The following FNDC3B variants were observed in gnomAD, a reference collection of about 807,000 sequenced individuals.
The protein encoded by FNDC3B is fibronectin type III domain-containing protein 3B.
In FNDC3B, 12 loss-of-function variants were observed where a neutral mutation model predicts 151.5. That is an observed-to-expected ratio of 0.08 (90% confidence interval 0.05 to 0.13). FNDC3B has a LOEUF of 0.13. FNDC3B is among the 10% of genes least tolerant of loss of function. The probability of loss-of-function intolerance (pLI) is 1.00; values close to 1 mark genes in which losing one functional copy is unlikely to be tolerated. For synonymous variants in FNDC3B, 528 were observed against 549.0 expected (o/e 0.96, Z 0.54); for missense variants, 1,214 against 1,505.3 (o/e 0.81, Z 3.20).
chr3:172,103,997 A>G (rs556874475), intron 1 of FNDC3B, among the ~76,000 whole-genome samples: 16 of 152,326 alleles, frequency 1.1e-4, no homozygotes, highest in African/African-American at 3.8e-4. Context: ...ACAGCTGTAT[A>G]GAACTCAGCT....
At chr3:172,264,715 C>CA (rs1233191936) in intron 6 of FNDC3B, among the ~76,000 whole-genome samples, 1 of 152,060 alleles carries the variant, frequency 6.6e-6, no homozygotes, top group African/African-American at 2.4e-5. Context: ...GATAACGATA[C>CA]ATGAGAAGGA....
Position 172,333,137 on chromosome 3 carries a change from G to A in FNDC3B, c.1603G>A (p.Val535Met). 1 of 1,613,328 alleles carries A rather than the reference G, an allele frequency of 6.2e-7. No homozygotes were observed. Among genetic ancestry groups the A allele is most frequent in the African/African-American group, 1.3e-5 (1 of 75,016 alleles). ...CACTGGAGAGGATTTAACCTGTACTGTGAAAAATCTCAAAAGAAGCACACA... is the reference window on the plus strand; with the variant it reads ...CACTGGAGAGGATTTAACCTGTACTATGAAAAATCTCAAAAGAAGCACACA... ...KYTGEDLTCT[V>M]KNLKRSTQYK... is the part of the protein sequence containing the mutation. Residue 535 changes from valine (V) to methionine (M), a missense_variant, in exon 14 of 26, where the codon GTG (valine) becomes ATG (methionine). Around this residue, in one of 7 missense-constraint regions of FNDC3B, gnomAD observed 111 missense variants for 96.8 expected, o/e 1.15. Transcript: ENST00000415807.
intron 4 of FNDC3B, among the ~76,000 whole-genome samples, chr3:172,238,959 T>C (rs1727312581): frequency 6.6e-6 from 1 of 152,254 alleles, no homozygotes; most frequent in Non-Finnish European, 1.5e-5. Context: ...TAGAATAGGA[T>C]GTCAGCTATT....
intron 1 of FNDC3B, among the ~76,000 whole-genome samples, chr3:172,080,795 G>A (rs995275065): frequency 6.6e-6 from 1 of 152,200 alleles, no homozygotes; most frequent in East Asian, 1.9e-4. Context: ...CTCTGTGTCT[G>A]TTAAGGGCAC....
chr3:172,043,327 G>T (rs563530466), intron 1 of FNDC3B, among the ~76,000 whole-genome samples: 36 of 151,976 alleles, frequency 2.4e-4, no homozygotes, highest in Middle Eastern at 6.9e-3. Context: ...TCTTTCACAT[G>T]TAGCTTGGTC....
chr3:172,114,637 G>A (rs932091722), intron 2 of FNDC3B, among the ~76,000 whole-genome samples: 2 of 152,158 alleles, frequency 1.3e-5, no homozygotes, highest in Admixed American at 6.5e-5. Flanking sequence ...TGTAATCCTA[G>A]CTACTCAGGA....
At chr3:172,236,614 C>T (rs1419507847) in intron 4 of FNDC3B, among the ~76,000 whole-genome samples, 1 of 152,144 alleles carries the variant, frequency 6.6e-6, no homozygotes, top group Non-Finnish European at 1.5e-5. Context: ...GATGAGGCCT[C>T]GTGGTTCTCT....
chr3:172,205,632 A>AT lies in FNDC3B; in HGVS notation c.188-21237dup, dbSNP rs148318663. 1.3e-3 allele frequency among the ~76,000 whole-genome samples: 203 copies of AT among 152,328 alleles called. 1 individual carries two copies. Among genetic ancestry groups the AT allele is most frequent in the African/African-American group, 4.8e-3 (201 of 41,572 alleles). On this transcript the variant is annotated intron_variant, in intron 3 of 25. Transcript: ENST00000415807. ...ACGGTTGGCGAGGGAAGAAATCTGC[A>AT]TTCTCCTTGTAGAGTTTTCTATTTA...
At chr3:172,042,927 CT>C (rs938402959) in intron 1 of FNDC3B, among the ~76,000 whole-genome samples, 1 of 151,164 alleles carries the variant, frequency 6.6e-6, no homozygotes, top group Admixed American at 6.6e-5. Flanking sequence ...CTCCGCCTTG[CT>C]GGTTGAGATG....
At chr3:172,195,507 C>T (rs1576786797) in intron 3 of FNDC3B, among the ~76,000 whole-genome samples, 1 of 152,202 alleles carries the variant, frequency 6.6e-6, no homozygotes, top group East Asian at 1.9e-4. Flanking sequence ...GCTTAAAGCT[C>T]CACAACACAC....
At chr3:172,385,474 C>T (rs772657735) in intron 25 of FNDC3B, among the ~76,000 whole-genome samples, 4 of 152,064 alleles carry the variant, frequency 2.6e-5, no homozygotes, top group Non-Finnish European at 4.4e-5. Context: ...GTTATTTATA[C>T]CTGCAGTGGT....
In FNDC3B at chr3:172,361,047, G is replaced by C. The variant is rs1360938329; in HGVS notation, c.2796-1586G>C. On this transcript the variant is annotated intron_variant, in intron 22 of 25. Transcript: ENST00000415807. ...TACAAAAAGTGTGGTGCCAGCATAT[G>C]CTTCTAATGAGCCCTCAATAAACCT... Among the ~76,000 whole-genome samples the C allele has an allele frequency of 4.6e-5, 7 of 152,112 alleles. No homozygotes were observed. The South Asian group carries it at 1.5e-3, about 32-fold the overall frequency.
intron 6 of FNDC3B, among the ~76,000 whole-genome samples, chr3:172,280,193 G>T (rs112113381): frequency 0.036 from 5,517 of 152,228 alleles, 348 homozygotes; most frequent in African/African-American, 0.13. Flanking sequence ...GGGATTACCG[G>T]CATGAGCTAC....
chr3:172,157,047 C>T (rs1722522452), intron 3 of FNDC3B, among the ~76,000 whole-genome samples: 1 of 152,174 alleles, frequency 6.6e-6, no homozygotes. Context: ...CTTAATTATA[C>T]AAGCAGTGTC....
chr3:172,105,253 A>G (rs1719586482), intron 1 of FNDC3B, among the ~76,000 whole-genome samples: 1 of 152,158 alleles, frequency 6.6e-6, no homozygotes, highest in Non-Finnish European at 1.5e-5. Flanking sequence ...TTTTCTGTGT[A>G]TATGATTCCG....
At chr3:172,317,484 G>A (rs764529627) in intron 11 of FNDC3B, among the ~76,000 whole-genome samples, 3 of 151,994 alleles carry the variant, frequency 2.0e-5, no homozygotes, top group East Asian at 1.9e-4. Flanking sequence ...ACGCCCGGCC[G>A]GGGATTAATT....
At chr3:172,046,720 C>T (rs963406287) in intron 1 of FNDC3B, among the ~76,000 whole-genome samples, 1 of 152,110 alleles carries the variant, frequency 6.6e-6, no homozygotes, top group African/African-American at 2.4e-5. Flanking sequence ...TGTTGAGTCA[C>T]AGTGTTATTT....
At chr3:172,088,500 A>T (rs1718659998) in intron 1 of FNDC3B, among the ~76,000 whole-genome samples, 1 of 152,226 alleles carries the variant, frequency 6.6e-6, no homozygotes, top group Non-Finnish European at 1.5e-5. Context: ...TGTAATGCCC[A>T]TACATCAAAT....
At chr3:172,269,632 GTTGTT>G (rs370434414) in intron 6 of FNDC3B, among the ~76,000 whole-genome samples, 100 of 151,480 alleles carry the variant, frequency 6.6e-4, no homozygotes, top group Middle Eastern at 3.4e-3. Flanking sequence ...TTTTTTGTTT[GTTGTT>G]TTGTTTTGTT....
Sources: gnomAD v4.1 joint callset for allele counts (sites outside exome capture counted in the v4.1 genomes callset) on GRCh38, gnomAD v4.1.1 for gene constraint, gnomAD v4.1.1 regional missense constraint, MANE v1.5 for transcripts, NCBI Gene and HGNC (gene_info 2026-07-23, HGNC 2026-07-21) for gene names.